The following ZC3H6 variants were observed in gnomAD, a reference collection of about 807,000 sequenced individuals.
ZC3H6 encodes zinc finger CCCH domain-containing protein 6.
ZC3H6 carries 40 observed loss-of-function variants against 107.7 expected under a neutral mutation model. That is an observed-to-expected ratio of 0.37 (90% CI 0.29 to 0.48). The LOEUF is 0.48. Among genes scored for constraint, ZC3H6 ranks in the 20% least tolerant of loss-of-function variants. The probability of loss-of-function intolerance (pLI) is 0.98; values close to 1 mark genes in which losing one functional copy is unlikely to be tolerated. For synonymous variants in ZC3H6, 493 were observed against 487.9 expected (o/e 1.01, Z -0.14); for missense variants, 1,267 against 1,410.4 (o/e 0.90, Z 1.63).
chr2:112,330,934 A>G (rs1573967160), intron 11 of ZC3H6, 71 bp from the exon 12 acceptor site: 1 of 636,254 alleles, frequency 1.6e-6, no homozygotes, highest in East Asian at 6.7e-5. Context: ...ATTTATAATT[A>G]TAATATAATA....
chr2:112,335,071 A>G lies in ZC3H6; in HGVS notation c.*2583A>G, dbSNP rs1346586847. The stretch of plus-strand genomic sequence containing the variant: ...ACAGTGGATATAGCAGGGGGTTGAA[A>G]TGGAACACACAGAAGATCATGACAA... On this transcript the variant is annotated 3_prime_UTR_variant, in exon 12 of 12. Transcript: ENST00000409871. 3.3e-5 allele frequency: 5 copies of G among 152,232 alleles called. No homozygotes were observed. Among genetic ancestry groups the G allele is most frequent in the Admixed American group, 1.3e-4 (2 of 15,290 alleles). 9.4% of individuals were successfully genotyped at this position (152,232 alleles called of 1,614,324 possible).
At chr2:112,302,452 A>G (rs748290694) in intron 2 of ZC3H6, among the ~76,000 whole-genome samples, 31 of 152,118 alleles carry the variant, frequency 2.0e-4, no homozygotes, top group Non-Finnish European at 3.2e-4. Flanking sequence ...TCAGAGTTCA[A>G]TCATTTCAGC....
rs957770482 is a variant in ZC3H6, at chr2:112,336,182, C to T, written c.*3694C>T. ...TAGAAGTTAGGAAGCTCCTAGGGAC[C>T]AGGATATGAGATCTTAAAGAGGCTG... On this transcript the variant is annotated 3_prime_UTR_variant, in exon 12 of 12. Coordinates refer to ENST00000409871, the MANE Select transcript of ZC3H6 (RefSeq NM_198581.3). 6.6e-6 allele frequency: 1 copy of T among 152,114 alleles called. No homozygotes were observed. The highest frequency in any genetic ancestry group is 2.4e-5 in the African/African-American group (1 of 41,436). The allele number at this position is 152,114 out of a possible 1,614,324, so 9.4% of individuals were successfully genotyped here.
At position 112,309,894 on chromosome 2, in the gene ZC3H6, A is replaced by G; in HGVS notation, c.346A>G (p.Ile116Val). The stretch of plus-strand genomic sequence containing the variant: ...GTCCATTTTCACTTAGCGTGGACAT[A>G]TATCAGGAAGCTACATAACATCAAA... ...YDIPFTQRGH[I>V]SGSYITSKKG... The change falls in exon 4 of 12, where the codon ATA becomes GTA. Residue 116 changes from isoleucine to valine, a missense_variant. Coordinates refer to ENST00000409871, the MANE Select transcript of ZC3H6 (RefSeq NM_198581.3). 6.3e-7 allele frequency: 1 copy of G among 1,578,792 alleles called. No individual in the cohort carries two copies. Among genetic ancestry groups the G allele is most frequent in the Non-Finnish European group, 8.6e-7 (1 of 1,161,378 alleles).
At chr2:112,313,388 A>T (rs1676628063) in intron 5 of ZC3H6, among the ~76,000 whole-genome samples, 1 of 152,198 alleles carries the variant, frequency 6.6e-6, no homozygotes, top group Non-Finnish European at 1.5e-5. Flanking sequence ...CTTTCTAAGT[A>T]AGCCTGCACC....
chr2:112,303,585 C>A (rs980470242), intron 3 of ZC3H6, among the ~76,000 whole-genome samples: 2 of 152,088 alleles, frequency 1.3e-5, no homozygotes, highest in African/African-American at 4.8e-5. Flanking sequence ...ATTCTATTTT[C>A]TGTTTCTATG....
At chr2:112,306,687 A>C (rs1250575131) in intron 3 of ZC3H6, among the ~76,000 whole-genome samples, 1 of 152,088 alleles carries the variant, frequency 6.6e-6, no homozygotes, top group South Asian at 2.1e-4. Context: ...CTTTATTCCA[A>C]TTTCAGGATT....
At chr2:112,295,274 C>T (rs938656998) in intron 1 of ZC3H6, among the ~76,000 whole-genome samples, 2 of 151,960 alleles carry the variant, frequency 1.3e-5, no homozygotes, top group South Asian at 2.1e-4. Context: ...ATTAATAAAA[C>T]GTCACATATA....
chr2:112,284,138 T>C (rs1481265403), intron 1 of ZC3H6, among the ~76,000 whole-genome samples: 2 of 152,158 alleles, frequency 1.3e-5, no homozygotes, highest in East Asian at 1.9e-4. Flanking sequence ...TAAAATGTTA[T>C]TAGATCACTG....
At chr2:112,321,283 T>C (rs886568407) in intron 7 of ZC3H6, among the ~76,000 whole-genome samples, 11 of 151,972 alleles carry the variant, frequency 7.2e-5, no homozygotes, top group African/African-American at 2.2e-4. Context: ...TGCTACAAAA[T>C]TTATATAATA....
rs376278245 is a variant in ZC3H6 at position 112,303,278 on chromosome 2, A to G, written c.263A>G (p.Asp88Gly). The change falls in exon 3 of 12, where the codon GAT (aspartate) becomes GGT (glycine). Residue 88 changes from aspartate to glycine, a missense_variant. Coordinates refer to ENST00000409871, the MANE Select transcript of ZC3H6 (RefSeq NM_198581.3). ...AGTTCGGACTACAGCCTTGATTCAG[A>G]TGTTGAACATACAGAAAGTTCCCAT... Reference protein sequence around the residue: ...DDSSDYSLDSDVEHTESSHKK... With the variant: ...DDSSDYSLDSGVEHTESSHKK... 1.4e-5 allele frequency: 22 copies of G among 1,613,028 alleles called. No homozygotes were observed. Among genetic ancestry groups the G allele is most frequent in the Non-Finnish European group, 6.8e-6 (8 of 1,179,246 alleles).
At position 112,333,965 on chromosome 2, in the gene ZC3H6, T is replaced by C. The variant is rs1167514996; in HGVS notation, c.*1477T>C. On this transcript the variant is annotated 3_prime_UTR_variant, in exon 12 of 12. Transcript: ENST00000409871. Reference sequence around the variant, plus strand: ...TCCTTTCTAATCACTTCTTCAATTCTTTTTGCTGCAGTTCTGTGCTAAAAT... The same window carrying C: ...TCCTTTCTAATCACTTCTTCAATTCCTTTTGCTGCAGTTCTGTGCTAAAAT... 1.3e-5 allele frequency: 2 copies of C among 152,094 alleles called. No individual in the cohort carries two copies. Among genetic ancestry groups the C allele is most frequent in the East Asian group, 1.9e-4 (1 of 5,198 alleles). 9.4% of individuals were successfully genotyped at this position (152,094 alleles called of 1,614,324 possible).
chr2:112,294,307 A>G (rs1573951006), intron 1 of ZC3H6, among the ~76,000 whole-genome samples: 3 of 152,228 alleles, frequency 2.0e-5, no homozygotes, highest in African/African-American at 7.2e-5. Context: ...ATTAGTACAA[A>G]AGCATGAAAA....
At position 112,338,769 on chromosome 2, in the gene ZC3H6, AAAAT is replaced by A. The variant is rs1195853004; in HGVS notation, c.*6284_*6287del. On this transcript the variant is annotated 3_prime_UTR_variant, in exon 12 of 12. Coordinates refer to ENST00000409871, the MANE Select transcript of ZC3H6 (RefSeq NM_198581.3). The stretch of plus-strand genomic sequence containing the variant: ...ATTAAATATATAGAGGCTCAATTAA[AAAAT>A]AACCATATTCTCAAACCTCCATTAC... 2.0e-5 allele frequency: 3 copies of A among 150,716 alleles called. No individual in the cohort carries two copies. Among genetic ancestry groups the A allele is most frequent in the African/African-American group, 7.3e-5 (3 of 41,314 alleles). The allele number at this position is 150,716 out of a possible 1,614,324, so 9.3% of individuals were successfully genotyped here.
chr2:112,324,649 C>T lies in ZC3H6; in HGVS notation c.1838C>T (p.Pro613Leu). Residue 613 changes from proline to leucine, a missense_variant, in exon 10 of 12, where the codon CCC becomes CTC. Pro to Leu is a moderately conservative substitution (Grantham distance 98). Coordinates refer to ENST00000409871, the MANE Select transcript of ZC3H6 (RefSeq NM_198581.3). ...AQHSIHNFQP[P>L]NNSGDGMWHG... is the part of the protein sequence containing the mutation. ...CATTCTATACATAATTTTCAGCCAC[C>T]CAATAACTCTGGTGGTAAGTTTACT... 6.3e-7 allele frequency: 1 copy of T among 1,596,234 alleles called. No homozygotes were observed.
In ZC3H6 at chr2:112,339,241, A is replaced by C. The variant is rs1170447607; in HGVS notation, c.*6753A>C. 2.0e-5 allele frequency: 3 copies of C among 152,162 alleles called. No individual in the cohort carries two copies. The highest frequency in any genetic ancestry group is 7.2e-5 in the African/African-American group (3 of 41,444). The allele number at this position is 152,162 out of a possible 1,614,324, so 9.4% of individuals were successfully genotyped here. ...TTTTAAATAGAGAAAGTGAAAAATG[A>C]TAAACTAACCATTATAAAATAGAGG... On this transcript the variant is annotated 3_prime_UTR_variant, in exon 12 of 12. Transcript: ENST00000409871.
chr2:112,280,996 C>T (rs1374045661), intron 1 of ZC3H6, among the ~76,000 whole-genome samples: 1 of 151,988 alleles, frequency 6.6e-6, no homozygotes, highest in Admixed American at 6.6e-5. Context: ...GCTTTTCAGT[C>T]ATTTTCATTA....
chr2:112,276,825 A>G (rs1160801531), intron 1 of ZC3H6, among the ~76,000 whole-genome samples: 3 of 152,210 alleles, frequency 2.0e-5, no homozygotes, highest in Non-Finnish European at 2.9e-5. Context: ...TTTCATTCGT[A>G]TATATCTTTA....
At chr2:112,280,331 A>G (rs1231568692) in intron 1 of ZC3H6, among the ~76,000 whole-genome samples, 1 of 152,186 alleles carries the variant, frequency 6.6e-6, no homozygotes, top group Non-Finnish European at 1.5e-5. Context: ...TCTTTAGCAA[A>G]TGTAAAACCT....
Sources: allele counts gnomAD v4.1 joint callset (sites outside exome capture counted in the v4.1 genomes callset), GRCh38; gene constraint gnomAD v4.1.1; transcripts MANE v1.5; gene names NCBI Gene and HGNC (gene_info 2026-07-23, HGNC 2026-07-21).